The following DRC9 variants were observed in gnomAD, a reference collection of about 807,000 sequenced individuals.
DRC9 encodes the protein dynein regulatory complex protein 9.
the DRC9 span, among the ~76,000 whole-genome samples, chr3:197,947,807 C>T: frequency 6.6e-6 from 1 of 151,800 alleles, no homozygotes; most frequent in Non-Finnish European, 1.5e-5. Context: ...GTTCCTCTAT[C>T]AAAGGTCATG....
At chr3:197,916,762 G>A in the DRC9 span, among the ~76,000 whole-genome samples, 1 of 152,004 alleles carries the variant, frequency 6.6e-6, no homozygotes, top group African/African-American at 2.4e-5. Context: ...GTGGTAATTG[G>A]ACAAATCCTC....
At chr3:197,921,241 C>G in the DRC9 span, among the ~76,000 whole-genome samples, 1 of 127,444 alleles carries the variant, frequency 7.8e-6, no homozygotes, top group Non-Finnish European at 1.5e-5. Context: ...GACCCGACTA[C>G]TGGTTTTCAG....
chr3:197,891,627 T>C, the DRC9 span: 1 of 672,666 alleles, frequency 1.5e-6, no homozygotes, highest in South Asian at 2.4e-5. Context: ...ACTTTTAATA[T>C]AAAATTTCAA....
At chr3:197,907,685 GGGTGACTGTACCA>G in the DRC9 span, among the ~76,000 whole-genome samples, 1 of 152,246 alleles carries the variant, frequency 6.6e-6, no homozygotes, top group Admixed American at 6.5e-5. Flanking sequence ...GTGACAACAG[GGGTGACTGTACCA>G]GGTCTGAAGA....
the DRC9 span, among the ~76,000 whole-genome samples, chr3:197,907,499 C>G: frequency 6.6e-6 from 1 of 152,220 alleles, no homozygotes; most frequent in Admixed American, 6.5e-5. Context: ...TGATAGCCTA[C>G]CCTGTTGGAT....
the DRC9 span, chr3:197,889,188 T>A: frequency 5.1e-6 from 1 of 195,180 alleles, no homozygotes; most frequent in Non-Finnish European, 1.1e-5. Context: ...CTCATAAGAG[T>A]TTTTTCACTA....
the DRC9 span, chr3:197,950,549 A>C: frequency 3.1e-6 from 1 of 323,698 alleles, no homozygotes; most frequent in Non-Finnish European, 5.6e-6. Context: ...GGCTTGTCTG[A>C]CCAGTCTCTT....
the DRC9 span, among the ~76,000 whole-genome samples, chr3:197,925,211 C>A: frequency 7.7e-6 from 1 of 130,082 alleles, no homozygotes; most frequent in African/African-American, 3.0e-5. Flanking sequence ...GGGATGAGGT[C>A]ATCTGTGGGG....
the DRC9 span, among the ~76,000 whole-genome samples, chr3:197,911,641 G>T: frequency 2.0e-5 from 3 of 151,920 alleles, no homozygotes; most frequent in East Asian, 5.8e-4. Flanking sequence ...TAAAAGATTA[G>T]TAAATTTTTT....
the DRC9 span, among the ~76,000 whole-genome samples, chr3:197,921,257 C>G: frequency 7.8e-6 from 1 of 128,188 alleles, no homozygotes; most frequent in African/African-American, 4.0e-5. Flanking sequence ...TTCAGTAACT[C>G]CGGGGATTTA....
chr3:197,910,096 G>A, the DRC9 span, among the ~76,000 whole-genome samples: 1 of 152,092 alleles, frequency 6.6e-6, no homozygotes, highest in Non-Finnish European at 1.5e-5. Flanking sequence ...TCAGAAAGGG[G>A]AGTAATTTAA....
chr3:197,955,058 T>C, the DRC9 span, among the ~76,000 whole-genome samples: 2 of 152,152 alleles, frequency 1.3e-5, no homozygotes, highest in African/African-American at 4.8e-5. Flanking sequence ...GTAATTTTTC[T>C]CAAATAGTTC....
chr3:197,940,745 T>G, the DRC9 span, among the ~76,000 whole-genome samples: 1 of 152,236 alleles, frequency 6.6e-6, no homozygotes, highest in African/African-American at 2.4e-5. Flanking sequence ...AAAAATATTT[T>G]AAGAGATTCA....
chr3:197,924,611 C>A, the DRC9 span, among the ~76,000 whole-genome samples: 5 of 151,996 alleles, frequency 3.3e-5, no homozygotes, highest in Non-Finnish European at 7.4e-5. Flanking sequence ...CCTCCGCCTC[C>A]CAGGTTCAAG....
chr3:197,954,326 T>G, the DRC9 span: 13 of 690,144 alleles, frequency 1.9e-5, no homozygotes, highest in Admixed American at 1.6e-4. Flanking sequence ...TGTTTGGTTG[T>G]TTGTTTTTTG....
chr3:197,936,463 C>G, the DRC9 span, among the ~76,000 whole-genome samples: 1 of 152,094 alleles, frequency 6.6e-6, no homozygotes, highest in African/African-American at 2.4e-5. Flanking sequence ...TTCCTAGGCT[C>G]GGGTGATCCT....
chr3:197,939,759 G>A, the DRC9 span, among the ~76,000 whole-genome samples: 2 of 150,698 alleles, frequency 1.3e-5, no homozygotes, highest in Non-Finnish European at 3.0e-5. Flanking sequence ...TTTTTTTTGA[G>A]ACAGGGTCTT....
chr3:197,951,277 G>A, the DRC9 span: 2 of 1,614,048 alleles, frequency 1.2e-6, no homozygotes, highest in Non-Finnish European at 8.5e-7. Context: ...ATTCTATTTG[G>A]GCAAGAGATG....
the DRC9 span, among the ~76,000 whole-genome samples, chr3:197,925,056 C>T: frequency 6.6e-6 from 1 of 152,124 alleles, no homozygotes; most frequent in African/African-American, 2.4e-5. Context: ...AGCCCAACCA[C>T]TATGTATGAG....
Sources: allele counts gnomAD v4.1 joint callset (sites outside exome capture counted in the v4.1 genomes callset), GRCh38; gene constraint gnomAD v4.1.1; transcripts MANE v1.5; gene names NCBI Gene and HGNC (gene_info 2026-07-23, HGNC 2026-07-21).